Variants in LRRTM3 observed in about 807,000 individuals in gnomAD.
LRRTM3 encodes leucine-rich repeat transmembrane neuronal protein 3.
In LRRTM3, 24 loss-of-function variants were observed where a neutral mutation model predicts 44.7. The observed-to-expected ratio is 0.54, with a 90% confidence interval of 0.39 to 0.76. LRRTM3 has a LOEUF of 0.76. Ranked by LOEUF, LRRTM3 falls within the 30% of genes least tolerant of loss-of-function variation. The pLI is 0.00. For missense variants in LRRTM3, 587 were observed against 702.2 expected (o/e 0.84, Z 1.85); for synonymous variants, 277 against 278.7 (o/e 0.99, Z 0.06).
intron 2 of LRRTM3, among the ~76,000 whole-genome samples, chr10:66,979,932 C>T (rs1479067638): frequency 1.3e-5 from 2 of 152,118 alleles, no homozygotes; most frequent in Non-Finnish European, 2.9e-5. Flanking sequence ...CTTTACTTTC[C>T]TCAAGTACTG....
rs190452444 is a variant in LRRTM3 at position 67,033,379 on chromosome 10, C to T, written c.1537-64208C>T. ...CAGTTATGCAACACAAATCTCGATG[C>T]TTCTCTCCCATCAATTTTTGAGGAA... is the stretch of plus-strand genomic sequence containing the variant. On this transcript the variant is annotated intron_variant, in intron 2 of 2. Transcript: ENST00000361320. Among the ~76,000 whole-genome samples, 529 of 152,280 alleles carry T rather than the reference C, an allele frequency of 3.5e-3. 1 individual carries two copies. Among genetic ancestry groups the T allele is most frequent in the African/African-American group, 0.012 (488 of 41,556 alleles).
intron 2 of LRRTM3, among the ~76,000 whole-genome samples, chr10:66,986,526 G>C (rs2132910787): frequency 6.6e-6 from 1 of 151,880 alleles, no homozygotes; most frequent in Admixed American, 6.6e-5. Context: ...AAATAAAGTA[G>C]CAAGACCTCT....
chr10:66,957,421 TATATATGC>T (rs1312087248), intron 2 of LRRTM3, among the ~76,000 whole-genome samples: 5 of 28,896 alleles, frequency 1.7e-4, no homozygotes, highest in East Asian at 1.7e-3. Flanking sequence ...TATGCATATA[TATATATGC>T]ATATATATAT....
intron 2 of LRRTM3, among the ~76,000 whole-genome samples, chr10:67,089,437 T>G (rs1418718686): frequency 6.6e-6 from 1 of 152,064 alleles, no homozygotes; most frequent in African/African-American, 2.4e-5. Context: ...CAGCCTGTTG[T>G]ACTCACACCA....
chr10:67,085,785 C>G (rs373047805), intron 2 of LRRTM3, among the ~76,000 whole-genome samples: 2 of 151,960 alleles, frequency 1.3e-5, no homozygotes, highest in African/African-American at 4.8e-5. Flanking sequence ...TTTACTAATA[C>G]GCAAGCCTGC....
chr10:67,100,635 T>A lies in LRRTM3; in HGVS notation c.*2839T>A, dbSNP rs193050966. 6.6e-6 allele frequency among the ~76,000 whole-genome samples: 1 copy of A among 151,862 alleles called. No individual in the cohort carries two copies. Among genetic ancestry groups the A allele is most frequent in the Non-Finnish European group, 1.5e-5 (1 of 67,808 alleles). On this transcript the variant is annotated 3_prime_UTR_variant, in exon 3 of 3. Transcript: ENST00000361320. Reference sequence around the variant, plus strand: ...TTTAAACAACTGAAATGTTTACTTATGTTTGGAGCTGAAAAATGGAAAGTT... The same window carrying A: ...TTTAAACAACTGAAATGTTTACTTAAGTTTGGAGCTGAAAAATGGAAAGTT...
At chr10:66,981,193 C>G (rs1291246643) in intron 2 of LRRTM3, among the ~76,000 whole-genome samples, 1 of 152,160 alleles carries the variant, frequency 6.6e-6, no homozygotes, top group Admixed American at 6.5e-5. Flanking sequence ...CGTGAGCCAC[C>G]GCGCCCAGCC....
chr10:67,077,580 A>C (rs756358033), intron 2 of LRRTM3, among the ~76,000 whole-genome samples: 20 of 152,038 alleles, frequency 1.3e-4, no homozygotes, highest in Non-Finnish European at 2.6e-4. Flanking sequence ...CATTCATCTC[A>C]ACTCTTGTGA....
At chr10:66,947,469 T>C (rs529287821) in intron 2 of LRRTM3, among the ~76,000 whole-genome samples, 74 of 152,262 alleles carry the variant, frequency 4.9e-4, no homozygotes, top group African/African-American at 1.7e-3. Flanking sequence ...ATAACTTTAT[T>C]TTAAAATGTG....
chr10:67,077,520 A>C (rs1856802096), intron 2 of LRRTM3, among the ~76,000 whole-genome samples: 1 of 151,996 alleles, frequency 6.6e-6, no homozygotes. Context: ...CATCCTTTGC[A>C]CAATGTTACC....
intron 2 of LRRTM3, among the ~76,000 whole-genome samples, chr10:66,936,185 AAC>A (rs901972380): frequency 6.6e-6 from 1 of 152,152 alleles, no homozygotes; most frequent in Non-Finnish European, 1.5e-5. Context: ...TTTATGGTCT[AAC>A]ACACACAGAT....
chr10:66,935,489 G>T (rs10997445), intron 2 of LRRTM3, among the ~76,000 whole-genome samples: 89,929 of 151,812 alleles, frequency 0.59, 28,204 homozygotes, highest in Admixed American at 0.69. Flanking sequence ...CTTGGTTTGT[G>T]TACTGGCACC....
chr10:67,069,470 C>G (rs551604284), intron 2 of LRRTM3, among the ~76,000 whole-genome samples: 260 of 152,074 alleles, frequency 1.7e-3, no homozygotes, highest in African/African-American at 6.0e-3. Context: ...GTATACATAT[C>G]ATGATGGTGA....
chr10:67,012,786 G>A (rs559305007), intron 2 of LRRTM3, among the ~76,000 whole-genome samples: 2 of 152,154 alleles, frequency 1.3e-5, no homozygotes, highest in Admixed American at 6.5e-5. Flanking sequence ...TGGAATTCAC[G>A]AGTGTTTGTT....
intron 2 of LRRTM3, among the ~76,000 whole-genome samples, chr10:67,020,986 A>G (rs886620553): frequency 7.9e-5 from 12 of 152,188 alleles, no homozygotes; most frequent in South Asian, 6.2e-4. Flanking sequence ...TTGACTATGG[A>G]AAGTCTGAGA....
intron 2 of LRRTM3, among the ~76,000 whole-genome samples, chr10:66,977,993 G>T (rs1850147809): frequency 6.6e-6 from 1 of 151,660 alleles, no homozygotes; most frequent in African/African-American, 2.4e-5. Flanking sequence ...GAATAATCAA[G>T]GTTGTATATA....
intron 2 of LRRTM3, among the ~76,000 whole-genome samples, chr10:67,045,614 T>C (rs1421078476): frequency 6.6e-6 from 1 of 152,192 alleles, no homozygotes; most frequent in Admixed American, 6.5e-5. Context: ...GCAGCTGCCT[T>C]TGCGGCCAGA....
intron 2 of LRRTM3, among the ~76,000 whole-genome samples, chr10:67,054,045 C>T (rs772606417): frequency 3.9e-5 from 6 of 152,116 alleles, no homozygotes; most frequent in Non-Finnish European, 8.8e-5. Context: ...TAATTCTGTC[C>T]ATCTTTGCAG....
intron 2 of LRRTM3, among the ~76,000 whole-genome samples, chr10:66,959,291 A>G (rs2132763285): frequency 6.6e-6 from 1 of 152,314 alleles, no homozygotes; most frequent in South Asian, 2.1e-4. Context: ...TTCTCAGGGA[A>G]TGCCTGGATT....
Sources: gnomAD v4.1 joint callset for allele counts (sites outside exome capture counted in the v4.1 genomes callset) on GRCh38, gnomAD v4.1.1 for gene constraint, MANE v1.5 for transcripts, NCBI Gene and HGNC (gene_info 2026-07-23, HGNC 2026-07-21) for gene names.